DLC1: variants seen among roughly 807,000 people sequenced by gnomAD.
DLC1 encodes the protein DLC1 Rho GTPase activating protein, also known as rho GTPase-activating protein 7.
In DLC1, 54 loss-of-function variants were observed where a neutral mutation model predicts 140.3. The observed-to-expected ratio is 0.38, with a 90% CI of 0.31 to 0.48. The LOEUF (loss-of-function observed/expected upper bound fraction) is 0.48, where lower values mean the gene tolerates loss of function less well. Ranked by LOEUF, DLC1 falls within the 20% of genes least tolerant of loss-of-function variation. DLC1 has a pLI of 0.96. For missense variants in DLC1, 2,536 were observed against 1,907.0 expected (o/e 1.33, Z -6.14); for synonymous variants, 986 against 728.1 (o/e 1.35, Z -5.70).
chr8:13,598,442 G>T (rs992112208), intron 1 of DLC1, among the ~76,000 whole-genome samples: 2 of 152,056 alleles, frequency 1.3e-5, no homozygotes, highest in Admixed American at 6.6e-5. Flanking sequence ...CATTTGCTTT[G>T]AGGAAAGAGT....
chr8:13,235,081 G>A (rs1829218171), intron 5 of DLC1, among the ~76,000 whole-genome samples: 1 of 151,918 alleles, frequency 6.6e-6, no homozygotes. Context: ...GGTGATTTTT[G>A]TATTGTGATA....
At chr8:13,550,773 A>G (rs1585265248) in intron 1 of DLC1, among the ~76,000 whole-genome samples, 1 of 152,132 alleles carries the variant, frequency 6.6e-6, no homozygotes. Context: ...TACATGTTCC[A>G]TATTAAATCA....
chr8:13,592,187 T>TA (rs1268554812), intron 1 of DLC1, among the ~76,000 whole-genome samples: 1 of 151,930 alleles, frequency 6.6e-6, no homozygotes, highest in African/African-American at 2.4e-5. Context: ...GTAAAGGTCT[T>TA]ATATTTATCA....
Position 13,100,123 on chromosome 8 carries a change from C to T in DLC1, c.2214G>A (p.Thr738=), listed in dbSNP as rs770565565. Residue 738 remains threonine, a synonymous_variant, in exon 9 of 18, where the codon ACG becomes ACA. Transcript: ENST00000276297. ...MVRKRSVSNS[T]QTSSSSSQSE... The stretch of plus-strand genomic sequence containing the variant: ...ACTGGCTGCTGCTGCTGCTGGTCTG[C>T]GTGGAGTTGGAAACGCTCCTCTTTC... 43 of 1,613,972 alleles carry T rather than the reference C, an allele frequency of 2.7e-5. No individual in the cohort carries two copies. The Middle Eastern group carries it at 2.8e-3, about 105-fold the overall frequency.
chr8:13,200,115 T>C (rs1290754300), intron 5 of DLC1, among the ~76,000 whole-genome samples: 1 of 152,170 alleles, frequency 6.6e-6, no homozygotes, highest in African/African-American at 2.4e-5. Context: ...TGATCTCTGC[T>C]CACTGCAACC....
intron 4 of DLC1, among the ~76,000 whole-genome samples, chr8:13,355,808 A>G (rs1834915724): frequency 6.6e-6 from 1 of 151,908 alleles, no homozygotes; most frequent in African/African-American, 2.4e-5. Flanking sequence ...TTTTTGGCTC[A>G]GCATGGTGGC....
intron 4 of DLC1, among the ~76,000 whole-genome samples, chr8:13,336,101 T>C (rs1169778566): frequency 6.6e-6 from 1 of 152,194 alleles, no homozygotes; most frequent in Non-Finnish European, 1.5e-5. Flanking sequence ...CTCATCTTTC[T>C]TTTGAAAATA....
intron 4 of DLC1, among the ~76,000 whole-genome samples, chr8:13,309,454 A>T (rs151179302): frequency 2.0e-5 from 3 of 152,188 alleles, no homozygotes; most frequent in Admixed American, 1.3e-4. Flanking sequence ...AAGTTGGCCA[A>T]TTAAGGTGTT....
intron 1 of DLC1, among the ~76,000 whole-genome samples, chr8:13,513,565 T>G (rs1287057990): frequency 6.6e-6 from 1 of 152,134 alleles, no homozygotes; most frequent in African/African-American, 2.4e-5. Context: ...TCTAATAGAT[T>G]TGAAAATGTA....
chr8:13,329,041 T>C (rs1457626098), intron 4 of DLC1, among the ~76,000 whole-genome samples: 8 of 152,286 alleles, frequency 5.3e-5, no homozygotes, highest in Middle Eastern at 3.4e-3. Context: ...CATTTATTCA[T>C]TGAATCACTG....
chr8:13,407,415 C>T (rs1261163659), intron 2 of DLC1, among the ~76,000 whole-genome samples: 1 of 152,160 alleles, frequency 6.6e-6, no homozygotes, highest in Non-Finnish European at 1.5e-5. Context: ...AGCACAAACA[C>T]AGCACACACA....
At chr8:13,208,444 T>C (rs923954756) in intron 5 of DLC1, among the ~76,000 whole-genome samples, 2 of 152,198 alleles carry the variant, frequency 1.3e-5, no homozygotes, top group Non-Finnish European at 2.9e-5. Context: ...TTATTATTTA[T>C]CACTTTGTTT....
rs145464101 is a variant in DLC1, at chr8:13,388,599, A to G, written c.1314+4954T>C. ...ACTGTATAGTTAAGAATTATTCAAC[A>G]CAGGCTTTTTGAAAATAACATCAAA... On this transcript the variant is annotated intron_variant, in intron 4 of 17. Transcript: ENST00000276297. Among the ~76,000 whole-genome samples the G allele has an allele frequency of 1.6e-3, 236 of 152,182 alleles. 3 individuals carry two copies. The highest frequency in any genetic ancestry group is 3.9e-3 in the African/African-American group (164 of 41,558).
intron 5 of DLC1, among the ~76,000 whole-genome samples, chr8:13,121,829 A>AG (rs915354552): frequency 2.6e-5 from 4 of 152,092 alleles, no homozygotes; most frequent in Non-Finnish European, 5.9e-5. Context: ...CTGGGATTAC[A>AG]GGCGTGAACC....
At chr8:13,155,167 G>A (rs534764045) in intron 5 of DLC1, among the ~76,000 whole-genome samples, 53 of 148,934 alleles carry the variant, frequency 3.6e-4, no homozygotes, top group African/African-American at 1.1e-3. Flanking sequence ...TCTCCATATC[G>A]GTGTATAAAT....
At position 13,408,111 on chromosome 8, in the gene DLC1, A is replaced by C. The variant is rs538001516; in HGVS notation, c.1024-6492T>G. Among the ~76,000 whole-genome samples, 6 of 152,272 alleles carry C rather than the reference A, an allele frequency of 3.9e-5. No individual in the cohort carries two copies. In the South Asian group the frequency reaches 1.0e-3, roughly 26 times the overall value. ...ATAAGTCAGTCTTAATTTTTATTCC[A>C]CTGTGTTTCAATTTGAAACTTATGT... On this transcript the variant is annotated intron_variant, in intron 2 of 17. Transcript: ENST00000276297.
chr8:13,169,226 A>G (rs367613804), intron 5 of DLC1, among the ~76,000 whole-genome samples: 1 of 152,200 alleles, frequency 6.6e-6, no homozygotes, highest in Non-Finnish European at 1.5e-5. Context: ...TGAATCAACT[A>G]TGTTCAGTGA....
At chr8:13,487,008 G>T (rs183615862) in intron 2 of DLC1, among the ~76,000 whole-genome samples, 1 of 152,244 alleles carries the variant, frequency 6.6e-6, no homozygotes, top group Non-Finnish European at 1.5e-5. Flanking sequence ...CTGTGGATGG[G>T]GTGAGGCAAA....
At chr8:13,154,489 G>A (rs536921293) in intron 5 of DLC1, among the ~76,000 whole-genome samples, 3 of 152,232 alleles carry the variant, frequency 2.0e-5, no homozygotes, top group East Asian at 1.9e-4. Flanking sequence ...CAGCTGCTCC[G>A]AGTGCGGGGC....
Sources: allele counts gnomAD v4.1 joint callset (sites outside exome capture counted in the v4.1 genomes callset), GRCh38; gene constraint gnomAD v4.1.1; transcripts MANE v1.5; gene names NCBI Gene and HGNC (gene_info 2026-07-23, HGNC 2026-07-21).